Variants in NCKAP5 observed in about 807,000 individuals in gnomAD.
NCKAP5 encodes the protein NCK associated protein 5, also known as nck-associated protein 5.
A neutral mutation model predicts 167.0 loss-of-function variants in NCKAP5; 92 were observed. The ratio of observed to expected loss-of-function variants is 0.55; its 90% CI spans 0.47 to 0.66. The LOEUF (loss-of-function observed/expected upper bound fraction) is 0.66. Among genes scored for constraint, NCKAP5 ranks in the 30% least tolerant of loss-of-function variants. The probability of loss-of-function intolerance (pLI) is 0.00; values close to 1 mark genes in which losing one functional copy is unlikely to be tolerated. For synonymous variants in NCKAP5, 891 were observed against 877.4 expected (o/e 1.02, Z -0.27); for missense variants, 2,378 against 2,315.0 (o/e 1.03, Z -0.56).
Position 132,782,240 on chromosome 2 carries a change from T to A in NCKAP5, c.4571A>T (p.Lys1524Ile). The stretch of plus-strand genomic sequence containing the variant: ...TACTTTGGTTTTGGAGATGTCCATT[T>A]TCCTGCTACTCAGAGCTGGAAGTCT... ...KSRLPALSSR[K>I]MDISKTKVEK... The change falls in exon 14 of 20, where the codon AAA becomes ATA. Residue 1524 changes from lysine to isoleucine, a missense_variant. Physicochemically the swap from Lys to Ile is moderately radical, Grantham distance 102. This residue lies in a region of NCKAP5 where 1,325 missense variants were observed against 1,274.5 expected (regional missense o/e 1.04). Transcript: ENST00000409261. 1.2e-6 allele frequency: 2 copies of A among 1,614,054 alleles called. No homozygotes were observed. Among genetic ancestry groups the A allele is most frequent in the Non-Finnish European group, 1.7e-6 (2 of 1,179,886 alleles).
At chr2:132,896,241 T>G (rs1693193206) in intron 8 of NCKAP5, among the ~76,000 whole-genome samples, 1 of 152,190 alleles carries the variant, frequency 6.6e-6, no homozygotes, top group South Asian at 2.1e-4. Context: ...TACGTGAAAA[T>G]GAATCCCATT....
At chr2:133,284,068 A>G (rs1181175521) in intron 4 of NCKAP5, among the ~76,000 whole-genome samples, 1 of 152,166 alleles carries the variant, frequency 6.6e-6, no homozygotes, top group African/African-American at 2.4e-5. Context: ...AATAATCAAG[A>G]AAACAACAAA....
intron 11 of NCKAP5, among the ~76,000 whole-genome samples, chr2:132,799,462 T>A (rs1684860414): frequency 6.6e-6 from 1 of 152,130 alleles, no homozygotes. Context: ...ATTATAGGCA[T>A]CAGTAAGTGT....
rs150590487 is a variant in NCKAP5, at chr2:132,951,137, C to T, written c.579+12583G>A. On this transcript the variant is annotated intron_variant, in intron 8 of 19. Transcript: ENST00000409261. ...GTTCTCTCAAAACAAACCACGGACA[C>T]GTGTTACAAGCTGTATCTTCTTTAG... Among the ~76,000 whole-genome samples, 30 of 152,250 alleles carry T rather than the reference C, an allele frequency of 2.0e-4. 1 individual carries two copies. The East Asian group carries it at 5.0e-3, about 25-fold the overall frequency.
intron 3 of NCKAP5, among the ~76,000 whole-genome samples, chr2:133,447,870 A>G (rs959772159): frequency 6.6e-6 from 1 of 152,106 alleles, no homozygotes; most frequent in African/African-American, 2.4e-5. Flanking sequence ...TTCTCTAAAG[A>G]TTAGCCAGTC....
intron 3 of NCKAP5, among the ~76,000 whole-genome samples, chr2:133,381,871 GTAAGAGGCTA>G (rs1461201174): frequency 6.6e-6 from 1 of 152,202 alleles, no homozygotes; most frequent in Non-Finnish European, 1.5e-5. Flanking sequence ...ATGCTCCTTG[GTAAGAGGCTA>G]TAGCCAGCCA....
At chr2:133,438,492 C>T (rs918474999) in intron 3 of NCKAP5, among the ~76,000 whole-genome samples, 2 of 152,118 alleles carry the variant, frequency 1.3e-5, no homozygotes, top group Admixed American at 1.3e-4. Context: ...GCACATAATG[C>T]TAGTTACTAA....
chr2:133,346,254 A>G (rs1457588627), intron 3 of NCKAP5, among the ~76,000 whole-genome samples: 1 of 152,184 alleles, frequency 6.6e-6, no homozygotes, highest in Non-Finnish European at 1.5e-5. Context: ...GCAAAAACAC[A>G]TCTATTTGAA....
chr2:132,746,372 C>T (rs981895635), intron 16 of NCKAP5, among the ~76,000 whole-genome samples: 11 of 151,018 alleles, frequency 7.3e-5, no homozygotes, highest in Non-Finnish European at 1.5e-4. Context: ...AAACCCTTTT[C>T]TCACACTGTA....
At chr2:133,190,454 A>G (rs1265689944) in intron 5 of NCKAP5, among the ~76,000 whole-genome samples, 1 of 152,210 alleles carries the variant, frequency 6.6e-6, no homozygotes, top group Non-Finnish European at 1.5e-5. Flanking sequence ...AAGAGCCCAC[A>G]TTGCCAAGAC....
chr2:133,303,186 A>C, intron 3 of NCKAP5, 76 bp from the exon 4 acceptor site: 3 of 995,768 alleles, frequency 3.0e-6, no homozygotes, highest in Non-Finnish European at 3.1e-6. Context: ...CCTTATCTCT[A>C]CAAGGAGTAT....
chr2:133,384,415 T>C (rs1474397971), intron 3 of NCKAP5, among the ~76,000 whole-genome samples: 2 of 152,220 alleles, frequency 1.3e-5, no homozygotes, highest in Non-Finnish European at 2.9e-5. Flanking sequence ...CATTGGTCTA[T>C]ATCTCTGTTT....
intron 6 of NCKAP5, among the ~76,000 whole-genome samples, chr2:133,115,822 T>TCACACACACACACACACACACA (rs141741244): frequency 1.1e-4 from 14 of 122,950 alleles, no homozygotes; most frequent in South Asian, 2.7e-4. Context: ...TATATAGTGT[T>TCACACACACACACACACACACA]CACACACACA....
chr2:133,104,501 A>G (rs955425187), intron 6 of NCKAP5, among the ~76,000 whole-genome samples: 4 of 152,238 alleles, frequency 2.6e-5, no homozygotes, highest in African/African-American at 4.8e-5. Flanking sequence ...CAAACTGTAC[A>G]TGGAAATGAC....
the NCKAP5 span, among the ~76,000 whole-genome samples, chr2:133,663,982 A>G: frequency 3.9e-5 from 6 of 152,178 alleles, no homozygotes; most frequent in African/African-American, 1.4e-4. Flanking sequence ...TAGTCTTACA[A>G]ATTGTATTTC....
chr2:133,480,274 C>G (rs1453198975), intron 3 of NCKAP5, among the ~76,000 whole-genome samples: 2 of 152,072 alleles, frequency 1.3e-5, no homozygotes, highest in African/African-American at 4.8e-5. Context: ...GTAGGGGGAA[C>G]AGCATAAATG....
chr2:132,853,651 T>C (rs970170433), intron 11 of NCKAP5, among the ~76,000 whole-genome samples: 4 of 151,882 alleles, frequency 2.6e-5, no homozygotes, highest in East Asian at 3.9e-4. Flanking sequence ...AATGGGGAGA[T>C]AAAAACCCAT....
chr2:133,001,052 G>T (rs1189282636), intron 6 of NCKAP5, among the ~76,000 whole-genome samples: 1 of 152,168 alleles, frequency 6.6e-6, no homozygotes, highest in African/African-American at 2.4e-5. Flanking sequence ...TAGGGATTTG[G>T]ACTGCACAGG....
the NCKAP5 span, among the ~76,000 whole-genome samples, chr2:133,593,028 T>C: frequency 2.1e-4 from 32 of 152,286 alleles, no homozygotes; most frequent in Non-Finnish European, 3.8e-4. Context: ...CTGAGAACCA[T>C]GAGCATTCCT....
Sources: gnomAD v4.1 joint callset for allele counts (sites outside exome capture counted in the v4.1 genomes callset) on GRCh38, gnomAD v4.1.1 for gene constraint, gnomAD v4.1.1 regional missense constraint, MANE v1.5 for transcripts, NCBI Gene and HGNC (gene_info 2026-07-23, HGNC 2026-07-21) for gene names.